GYG1: variants seen among roughly 807,000 people sequenced by gnomAD.
GYG1 encodes the protein glycogenin 1, also known as glycogenin-1.
GYG1 carries 44 observed loss-of-function variants against 41.9 expected under a neutral mutation model. The ratio of observed to expected loss-of-function variants is 1.05; its 90% CI spans 0.83 to 1.35. The LOEUF is 1.35. GYG1 is among the 40% of genes most tolerant of loss of function. The pLI is 0.00. For missense variants in GYG1, 429 were observed against 418.9 expected, an observed-to-expected ratio of 1.02 and a Z score of -0.21; for synonymous variants, 141 against 158.1, an observed-to-expected ratio of 0.89 and a Z score of 0.81.
Position 149,024,239 on chromosome 3 carries a change from C to G in GYG1, c.795C>G (p.Gly265=), listed in dbSNP as rs1353139081. ...TTTTACCTCTGCTTCAACAATTTGG[C>G]CTTGTCAAAGACACCTGCTCATATG... ...TNVLPLLQQF[G]LVKDTCSYVN... Residue 265 remains glycine (G), a synonymous_variant, in exon 6 of 8, where the codon GGC becomes GGG. Transcript: ENST00000345003. 6.2e-7 allele frequency: 1 copy of G among 1,612,472 alleles called. No homozygotes were observed. Among genetic ancestry groups the G allele is most frequent in the African/African-American group, 1.3e-5 (1 of 74,906 alleles).
rs1714816292 is a variant in GYG1, at chr3:149,029,090, T to TAAG, written c.*2159_*2161dup. Reference sequence around the variant, plus strand: ...ATCAGAAAGAATGACAAGCTTACCATAAGACATAGCATATAATGCTGTCAA... The same window carrying TAAG: ...ATCAGAAAGAATGACAAGCTTACCATAAGAAGACATAGCATATAATGCTGTCAA... On this transcript the variant is annotated 3_prime_UTR_variant, in exon 8 of 8. Coordinates refer to ENST00000345003, the MANE Select transcript of GYG1 (RefSeq NM_004130.4). Among the ~76,000 whole-genome samples the TAAG allele has an allele frequency of 1.3e-5, 2 of 152,334 alleles. No homozygotes were observed. Among genetic ancestry groups the TAAG allele is most frequent in the South Asian group, 4.1e-4 (2 of 4,828 alleles).
chr3:148,994,307 A>G (rs1290006424), intron 2 of GYG1, 30 bp downstream of exon 2: 6 of 1,612,166 alleles, frequency 3.7e-6, no homozygotes, highest in South Asian at 2.2e-5. Flanking sequence ...CCCAGCATCC[A>G]AGGGGCTCTG....
chr3:149,007,020 A>C (rs911487967), intron 4 of GYG1, among the ~76,000 whole-genome samples: 13 of 152,266 alleles, frequency 8.5e-5, no homozygotes, highest in African/African-American at 3.1e-4. Context: ...CAACAGAAAT[A>C]TATTTCTCAC....
Position 149,026,956 on chromosome 3 carries a change from C to T in GYG1, c.*23C>T, listed in dbSNP as rs1424283843. 5.6e-6 allele frequency: 9 copies of T among 1,610,526 alleles called. No homozygotes were observed. Among genetic ancestry groups the T allele is most frequent in the Non-Finnish European group, 7.6e-6 (9 of 1,176,618 alleles). The stretch of plus-strand genomic sequence containing the variant: ...TAGAAACACTGCATTTTTCTGTGAA[C>T]ACATCCACTTCACAAGCCTTGTTTC... On this transcript the variant is annotated 3_prime_UTR_variant, in exon 8 of 8. Coordinates refer to ENST00000345003, the MANE Select transcript of GYG1 (RefSeq NM_004130.4).
At chr3:149,013,477 T>G (rs1172385465) in intron 5 of GYG1, among the ~76,000 whole-genome samples, 1 of 152,220 alleles carries the variant, frequency 6.6e-6, no homozygotes, top group African/African-American at 2.4e-5. Flanking sequence ...ACTACATAAA[T>G]TAATTGGTCA....
chr3:148,993,047 C>G (rs1444028866), intron 1 of GYG1, among the ~76,000 whole-genome samples: 2 of 151,966 alleles, frequency 1.3e-5, no homozygotes, highest in African/African-American at 4.8e-5. Context: ...ACAAAATGTC[C>G]CAACTCGCTG....
In GYG1 at chr3:149,025,318, G is replaced by C. The variant is rs192211822; in HGVS notation, c.828+1046G>C. On this transcript the variant is annotated intron_variant, in intron 6 of 7. Transcript: ENST00000345003. ...ACAACCTAGATCCGTTGCATGCACAGTTTACAATAGAGTTCACGCTTCTAT... is the reference window on the plus strand; with the variant it reads ...ACAACCTAGATCCGTTGCATGCACACTTTACAATAGAGTTCACGCTTCTAT... 4.6e-5 allele frequency among the ~76,000 whole-genome samples: 7 copies of C among 152,290 alleles called. No individual in the cohort carries two copies. In the East Asian group the frequency reaches 1.4e-3, roughly 29 times the overall value.
At chr3:149,017,390 G>A (rs1259101811) in intron 5 of GYG1, among the ~76,000 whole-genome samples, 1 of 149,980 alleles carries the variant, frequency 6.7e-6, no homozygotes, top group East Asian at 2.0e-4. Flanking sequence ...ATTGTGACAT[G>A]TACTCAACCT....
intron 5 of GYG1, among the ~76,000 whole-genome samples, chr3:149,015,718 T>C (rs914568090): frequency 1.1e-4 from 17 of 152,032 alleles, no homozygotes; most frequent in Admixed American, 2.0e-4. Context: ...TTGGAGGCAG[T>C]GAATGTAGAC....
intron 3 of GYG1, 103 bp from the exon 4 acceptor site, chr3:148,996,639 T>TA: frequency 1.1e-5 from 14 of 1,281,000 alleles, no homozygotes; most frequent in Non-Finnish European, 1.6e-5. Flanking sequence ...CAGGCTGCCT[T>TA]ACAGCTGTCA....
chr3:148,993,522 G>A (rs955863452), intron 1 of GYG1, among the ~76,000 whole-genome samples: 1 of 152,136 alleles, frequency 6.6e-6, no homozygotes, highest in African/African-American at 2.4e-5. Context: ...ATTGGGGCAG[G>A]GGAGCTTTTG....
At chr3:149,016,594 T>C (rs1714062993) in intron 5 of GYG1, among the ~76,000 whole-genome samples, 1 of 152,144 alleles carries the variant, frequency 6.6e-6, no homozygotes, top group African/African-American at 2.4e-5. Flanking sequence ...CAGGGTATTA[T>C]TGGGAGGATT....
At chr3:148,998,639 G>T (rs532111616) in intron 4 of GYG1, among the ~76,000 whole-genome samples, 80 of 147,734 alleles carry the variant, frequency 5.4e-4, no homozygotes, top group African/African-American at 2.1e-3. Flanking sequence ...AATGTTCACC[G>T]TGGTCAAGGC....
rs527599528 is a variant in GYG1, at chr3:149,028,017, A to G, written c.*1084A>G. On this transcript the variant is annotated 3_prime_UTR_variant, in exon 8 of 8. Coordinates refer to ENST00000345003, the MANE Select transcript of GYG1 (RefSeq NM_004130.4). ...ATAGAATGGAAAAGCGTATTTATTA[A>G]ATTTATAGATCATTCTAGGTTGTAA... Among the ~76,000 whole-genome samples the G allele has an allele frequency of 6.6e-6, 1 of 152,344 alleles. No individual in the cohort carries two copies. Among genetic ancestry groups the G allele is most frequent in the Admixed American group, 6.5e-5 (1 of 15,302 alleles).
intron 4 of GYG1, among the ~76,000 whole-genome samples, chr3:149,008,532 T>A (rs933960032): frequency 6.6e-6 from 1 of 152,224 alleles, no homozygotes; most frequent in Non-Finnish European, 1.5e-5. Context: ...AGATATTGGT[T>A]TAAACACAAC....
chr3:149,016,534 A>C (rs925884294), intron 5 of GYG1, among the ~76,000 whole-genome samples: 1 of 152,106 alleles, frequency 6.6e-6, no homozygotes, highest in African/African-American at 2.4e-5. Flanking sequence ...ACTAGGTCCT[A>C]GTGTAGGTTA....
chr3:149,017,720 C>T (rs1401886953), intron 5 of GYG1, among the ~76,000 whole-genome samples: 1 of 149,060 alleles, frequency 6.7e-6, no homozygotes. Flanking sequence ...TCTCCTGCAT[C>T]AGCCTCCCAA....
intron 5 of GYG1, 143 bp from the exon 6 acceptor site, chr3:149,023,910 T>G (rs1714500584): frequency 7.0e-6 from 5 of 713,358 alleles, no homozygotes; most frequent in Non-Finnish European, 1.3e-5. Flanking sequence ...TGAACTGTCA[T>G]GCTACTGCAC....
In GYG1 at chr3:148,991,609, C is replaced by T. The variant is rs1322366218; in HGVS notation, c.-32C>T. ...GCTTCTCTGAGTCACCAACCTGAGG[C>T]TGCCCCGGCCGCCTGCGCACCCGGC... On this transcript the variant is annotated 5_prime_UTR_variant, in exon 1 of 8. Transcript: ENST00000345003. 1 of 1,554,630 alleles carries T rather than the reference C, an allele frequency of 6.4e-7. No homozygotes were observed. Among genetic ancestry groups the T allele is most frequent in the Admixed American group, 1.8e-5 (1 of 54,714 alleles).
Sources: allele counts gnomAD v4.1 joint callset (sites outside exome capture counted in the v4.1 genomes callset), GRCh38; gene constraint gnomAD v4.1.1; transcripts MANE v1.5; gene names NCBI Gene and HGNC (gene_info 2026-07-23, HGNC 2026-07-21).